COL24A1: variants seen among roughly 807,000 people sequenced by gnomAD.
COL24A1 encodes the protein collagen alpha-1(XXIV) chain.
In COL24A1, 224 loss-of-function variants were observed where a neutral mutation model predicts 253.9. The ratio of observed to expected loss-of-function variants is 0.88; its 90% CI spans 0.79 to 0.99. COL24A1 has a LOEUF of 0.99. COL24A1 is among the 50% of genes least tolerant of loss of function. The pLI, the probability that COL24A1 is intolerant of heterozygous loss-of-function variation, is 0.00. For synonymous variants in COL24A1, 685 were observed against 673.7 expected, an observed-to-expected ratio of 1.02 and a Z score of -0.26; for missense variants, 2,131 against 2,068.5, an observed-to-expected ratio of 1.03 and a Z score of -0.59.
At chr1:85,866,943 C>A (rs961629692) in intron 37 of COL24A1, among the ~76,000 whole-genome samples, 17 of 152,190 alleles carry the variant, frequency 1.1e-4, no homozygotes, top group African/African-American at 3.4e-4. Context: ...TGCCAGTGCT[C>A]AAAAATAATC....
chr1:85,743,492 C>G (rs1664864951), intron 57 of COL24A1, among the ~76,000 whole-genome samples: 1 of 152,122 alleles, frequency 6.6e-6, no homozygotes, highest in South Asian at 2.1e-4. Context: ...AATCTCCCTA[C>G]CCTGCTGTTT....
At chr1:86,143,150 A>T (rs1444222223) in intron 2 of COL24A1, among the ~76,000 whole-genome samples, 1 of 152,196 alleles carries the variant, frequency 6.6e-6, no homozygotes, top group Admixed American at 6.5e-5. Context: ...CTCAGGATGC[A>T]ACTAGAGGAT....
intron 19 of COL24A1, among the ~76,000 whole-genome samples, chr1:86,002,845 A>G (rs573061457): frequency 7.2e-5 from 11 of 152,170 alleles, no homozygotes; most frequent in Non-Finnish European, 1.5e-4. Flanking sequence ...TCCACCACAA[A>G]AAAAGGAAAG....
intron 43 of COL24A1, 134 bp downstream of exon 43, chr1:85,838,451 G>GTAGAA: frequency 1.4e-6 from 1 of 729,270 alleles, no homozygotes; most frequent in Non-Finnish European, 2.3e-6. Context: ...GGAACAGAAA[G>GTAGAA]TAGAAAGACG....
At chr1:85,948,044 A>G (rs1253202386) in intron 24 of COL24A1, among the ~76,000 whole-genome samples, 2 of 152,150 alleles carry the variant, frequency 1.3e-5, no homozygotes, top group African/African-American at 2.4e-5. Flanking sequence ...TAAGATATCA[A>G]TTACTCCATG....
At chr1:86,041,831 T>G (rs1355226317) in intron 12 of COL24A1, among the ~76,000 whole-genome samples, 1 of 152,120 alleles carries the variant, frequency 6.6e-6, no homozygotes, top group Non-Finnish European at 1.5e-5. Flanking sequence ...CAATAAAGGT[T>G]GTCCACTGTC....
chr1:85,878,651 A>C (rs1173360895), intron 32 of COL24A1, among the ~76,000 whole-genome samples: 1 of 152,196 alleles, frequency 6.6e-6, no homozygotes, highest in African/African-American at 2.4e-5. Context: ...TTCTTAAAAA[A>C]CTGCCATACT....
chr1:85,892,773 T>C (rs544077013), intron 31 of COL24A1, among the ~76,000 whole-genome samples: 125 of 152,234 alleles, frequency 8.2e-4, no homozygotes, highest in African/African-American at 2.9e-3. Flanking sequence ...TTGTGTTAAG[T>C]ATTTACATAA....
At chr1:85,839,012 C>T (rs1676317422) in intron 42 of COL24A1, among the ~76,000 whole-genome samples, 1 of 152,002 alleles carries the variant, frequency 6.6e-6, no homozygotes, top group African/African-American at 2.4e-5. Flanking sequence ...CCAGCCTGGG[C>T]AATAACGTGA....
chr1:86,045,514 T>C (rs1370702256), intron 12 of COL24A1, among the ~76,000 whole-genome samples: 1 of 151,986 alleles, frequency 6.6e-6, no homozygotes, highest in Non-Finnish European at 1.5e-5. Context: ...ACCCAATAAA[T>C]AGAAAGGTAT....
chr1:85,821,286 T>C (rs770633030), intron 45 of COL24A1, among the ~76,000 whole-genome samples: 2 of 152,172 alleles, frequency 1.3e-5, no homozygotes, highest in Non-Finnish European at 2.9e-5. Flanking sequence ...TTAGGTTAAA[T>C]TAATCATATT....
intron 35 of COL24A1, among the ~76,000 whole-genome samples, chr1:85,873,762 T>C (rs1680811134): frequency 6.6e-6 from 1 of 151,688 alleles, no homozygotes; most frequent in Non-Finnish European, 1.5e-5. Context: ...CACACCAACA[T>C]GGCACATGTA....
intron 37 of COL24A1, among the ~76,000 whole-genome samples, chr1:85,863,976 T>A (rs1679476740): frequency 6.6e-6 from 1 of 152,194 alleles, no homozygotes; most frequent in Non-Finnish European, 1.5e-5. Context: ...GTTCAACAAT[T>A]GTGGAAATCA....
intron 5 of COL24A1, among the ~76,000 whole-genome samples, chr1:86,107,203 C>T (rs1182211516): frequency 6.6e-6 from 1 of 152,140 alleles, no homozygotes; most frequent in African/African-American, 2.4e-5. Flanking sequence ...AATTTTGTCT[C>T]CCCCTCTACC....
intron 31 of COL24A1, among the ~76,000 whole-genome samples, chr1:85,890,783 T>C (rs1683041558): frequency 6.6e-6 from 1 of 152,200 alleles, no homozygotes; most frequent in Non-Finnish European, 1.5e-5. Flanking sequence ...GTATGACTTT[T>C]GCCTTTAAAC....
intron 2 of COL24A1, among the ~76,000 whole-genome samples, chr1:86,133,818 T>C (rs1007622690): frequency 6.8e-6 from 1 of 148,016 alleles, no homozygotes; most frequent in Non-Finnish European, 1.5e-5. Flanking sequence ...TCTTTTTTTG[T>C]TGTGTCTCTG....
chr1:86,075,543 T>G (rs1055583494), intron 7 of COL24A1, among the ~76,000 whole-genome samples: 2 of 152,216 alleles, frequency 1.3e-5, no homozygotes, highest in Non-Finnish European at 2.9e-5. Context: ...ACTCATTTTA[T>G]GAGGCCAGCA....
chr1:85,777,828 AT>A (rs1459223432), intron 52 of COL24A1, among the ~76,000 whole-genome samples: 1 of 152,022 alleles, frequency 6.6e-6, no homozygotes, highest in Non-Finnish European at 1.5e-5. Flanking sequence ...GTAATATCTT[AT>A]TTTACTTTAA....
intron 24 of COL24A1, among the ~76,000 whole-genome samples, chr1:85,951,471 G>A (rs1689925847): frequency 6.6e-6 from 1 of 152,084 alleles, no homozygotes; most frequent in African/African-American, 2.4e-5. Flanking sequence ...GAAACAGCCT[G>A]AAACAAAGGC....
Sources: allele counts gnomAD v4.1 joint callset (sites outside exome capture counted in the v4.1 genomes callset), GRCh38; gene constraint gnomAD v4.1.1; transcripts MANE v1.5; gene names NCBI Gene and HGNC (gene_info 2026-07-23, HGNC 2026-07-21).